The following ORC3 variants were observed in gnomAD, a reference collection of about 807,000 sequenced individuals.
ORC3 encodes homolog of latheo, Drosophila.
A neutral mutation model predicts 100.7 loss-of-function variants in ORC3; 78 were observed. That is an observed-to-expected ratio of 0.77 (90% confidence interval 0.65 to 0.94). The LOEUF is 0.94. Ranked by LOEUF, ORC3 falls within the 40% of genes least tolerant of loss-of-function variation. The pLI is 0.00. For missense variants in ORC3, 789 were observed against 823.9 expected, an observed-to-expected ratio of 0.96 and a Z score of 0.52; for synonymous variants, 295 against 289.3, an observed-to-expected ratio of 1.02 and a Z score of -0.20.
chr6:87,616,752 T>C (rs1422961461), intron 9 of ORC3, among the ~76,000 whole-genome samples: 1 of 152,058 alleles, frequency 6.6e-6, no homozygotes, highest in Admixed American at 6.6e-5. Context: ...GGAAATGCTA[T>C]ATATAAGGGG....
intron 13 of ORC3, among the ~76,000 whole-genome samples, chr6:87,652,118 T>A (rs1269639290): frequency 6.6e-6 from 1 of 152,140 alleles, no homozygotes. Context: ...CAGGATGGTC[T>A]TGATCTCCTG....
chr6:87,612,003 A>G, intron 7 of ORC3, 86 bp from the exon 8 acceptor site: 3 of 1,266,384 alleles, frequency 2.4e-6, no homozygotes, highest in Non-Finnish European at 3.3e-6. Flanking sequence ...AAGCATTAAA[A>G]TAAAGTTTGT....
chr6:87,668,827 AC>A (rs367725740), downstream of ORC3, among the ~76,000 whole-genome samples: 271 of 152,212 alleles, frequency 1.8e-3, no homozygotes, highest in African/African-American at 6.3e-3. Context: ...TACTAAAAAT[AC>A]AAAAATTAGC....
At chr6:87,675,749 T>G in the ORC3 span, 16 of 1,449,672 alleles carry the variant, frequency 1.1e-5, no homozygotes, top group Admixed American at 1.9e-5. Context: ...CCTCCATACA[T>G]TCTCAGTAAT....
In ORC3 at chr6:87,603,481, G is replaced by A; in HGVS notation, c.275G>A (p.Gly92Asp). The A allele has an allele frequency of 1.3e-6, 2 of 1,529,656 alleles. No individual in the cohort carries two copies. The highest frequency in any genetic ancestry group is 8.9e-7 in the Non-Finnish European group (1 of 1,121,156). 94.8% of individuals were successfully genotyped at this position (1,529,656 alleles called of 1,614,324 possible). A position where few individuals can be genotyped will look rare whatever the true frequency, so the allele number is the denominator to read the frequency against. Residue 92 changes from glycine to aspartate, a missense_variant, in exon 4 of 20, where the codon GGC (glycine) becomes GAC (aspartate). By Grantham distance (94) the Gly-to-Asp change is moderately conservative. This residue lies in a region of ORC3 where 399 missense variants were observed against 382.0 expected (regional missense o/e 1.04). Coordinates refer to ENST00000392844, the MANE Select transcript of ORC3 (RefSeq NM_012381.4). ...SGFQKNSRDL[G>D]GQIKLREIPT... Reference sequence around the variant, plus strand: ...TTCCAGAAGAATTCAAGAGACTTGGGCGGTCAAATAAAACTCAGAGAAATT... The same window carrying A: ...TTCCAGAAGAATTCAAGAGACTTGGACGGTCAAATAAAACTCAGAGAAATT...
downstream of ORC3, among the ~76,000 whole-genome samples, chr6:87,671,652 G>A (rs995193243): frequency 1.3e-5 from 2 of 152,120 alleles, no homozygotes; most frequent in Non-Finnish European, 2.9e-5. Flanking sequence ...GACAGAGAAG[G>A]AGCAGCCAGT....
intron 16 of ORC3, among the ~76,000 whole-genome samples, chr6:87,661,509 A>T (rs1352979967): frequency 6.6e-6 from 1 of 152,150 alleles, no homozygotes; most frequent in Non-Finnish European, 1.5e-5. Context: ...TCCATGTTGA[A>T]TACCCTTTCC....
intron 13 of ORC3, among the ~76,000 whole-genome samples, chr6:87,651,984 C>T (rs772604943): frequency 3.3e-5 from 5 of 151,596 alleles, no homozygotes; most frequent in East Asian, 1.9e-4. Flanking sequence ...CTGCAACCTC[C>T]GACTCCCCGG....
chr6:87,626,895 AT>A (rs563206229), intron 11 of ORC3, among the ~76,000 whole-genome samples: 28 of 152,248 alleles, frequency 1.8e-4, no homozygotes, highest in African/African-American at 6.5e-4. Context: ...AACAAATATA[AT>A]GATAAAGCTT....
intron 13 of ORC3, among the ~76,000 whole-genome samples, chr6:87,640,672 G>A (rs1471276398): frequency 1.3e-5 from 2 of 152,216 alleles, no homozygotes; most frequent in African/African-American, 4.8e-5. Flanking sequence ...GTGAAAGACT[G>A]TAAGAGGAAA....
Position 87,606,003 on chromosome 6 carries a change from C to T in ORC3, c.409C>T (p.Gln137Ter). ...TGTCACACCATATGTAGTCTCATTG[C>T]AAGCTAAAGATTGTCCAGGTAAAAA... Reference protein sequence around the residue: ...NNVTPYVVSLQAKDCPDMKHF... With the variant: ...NNVTPYVVSL Residue 137 changes from glutamine to a stop codon, truncating the protein, a stop_gained, in exon 5 of 20, where the codon CAA becomes TAA. Coordinates refer to ENST00000392844, the MANE Select transcript of ORC3 (RefSeq NM_012381.4). LOFTEE classifies it high-confidence loss of function. 6.4e-7 allele frequency: 1 copy of T among 1,571,868 alleles called. No individual in the cohort carries two copies. Among genetic ancestry groups the T allele is most frequent in the East Asian group, 2.3e-5 (1 of 44,346 alleles).
intron 17 of ORC3, among the ~76,000 whole-genome samples, chr6:87,663,607 C>T (rs1770375441): frequency 2.0e-5 from 3 of 152,214 alleles, no homozygotes; most frequent in Admixed American, 1.3e-4. Flanking sequence ...ATTCTGAGAG[C>T]ATCTGCAGAG....
chr6:87,593,805 T>C (rs1378982255), intron 1 of ORC3, among the ~76,000 whole-genome samples: 1 of 152,268 alleles, frequency 6.6e-6, no homozygotes, highest in Non-Finnish European at 1.5e-5. Context: ...CAAGTGATTC[T>C]TCTGTCTGAG....
intron 8 of ORC3, among the ~76,000 whole-genome samples, chr6:87,613,372 C>T (rs1177506857): frequency 6.6e-6 from 1 of 152,180 alleles, no homozygotes; most frequent in African/African-American, 2.4e-5. Context: ...CCACCAGGTC[C>T]CTCCCATAGC....
chr6:87,617,727 C>A (rs1172161017), intron 9 of ORC3, among the ~76,000 whole-genome samples: 1 of 152,088 alleles, frequency 6.6e-6, no homozygotes, highest in Middle Eastern at 3.2e-3. Flanking sequence ...GAGCAAGAGA[C>A]CTGTCTCTAT....
At chr6:87,635,593 T>C (rs1767753411) in intron 12 of ORC3, among the ~76,000 whole-genome samples, 1 of 152,134 alleles carries the variant, frequency 6.6e-6, no homozygotes, top group Non-Finnish European at 1.5e-5. Context: ...GGTCAGCAAT[T>C]CGAGAACAGC....
intron 13 of ORC3, among the ~76,000 whole-genome samples, chr6:87,640,835 C>A (rs759513517): frequency 3.3e-4 from 51 of 152,244 alleles, no homozygotes; most frequent in Non-Finnish European, 5.7e-4. Context: ...TGTGGTGGCT[C>A]ATGCCTGTAA....
At chr6:87,612,848 T>TCTAC (rs938726478) in intron 8 of ORC3, among the ~76,000 whole-genome samples, 2 of 152,198 alleles carry the variant, frequency 1.3e-5, no homozygotes, top group Non-Finnish European at 2.9e-5. Context: ...CCTCAAGTGA[T>TCTAC]CTACCTGCCT....
chr6:87,657,629 A>C (rs1769820923), intron 15 of ORC3, among the ~76,000 whole-genome samples: 1 of 152,222 alleles, frequency 6.6e-6, no homozygotes, highest in African/African-American at 2.4e-5. Flanking sequence ...TAAATGACTT[A>C]ATGGACTGAA....
Sources: gnomAD v4.1 joint callset for allele counts (sites outside exome capture counted in the v4.1 genomes callset) on GRCh38, gnomAD v4.1.1 for gene constraint, gnomAD v4.1.1 regional missense constraint, MANE v1.5 for transcripts, NCBI Gene and HGNC (gene_info 2026-07-23, HGNC 2026-07-21) for gene names.